EDIL3: variants seen among roughly 807,000 people sequenced by gnomAD.
EDIL3 encodes the protein EGF like and discoidin domains 3.
A neutral mutation model predicts 67.4 loss-of-function variants in EDIL3; 37 were observed. That is an observed-to-expected ratio of 0.55 (90% CI 0.42 to 0.72). The LOEUF is 0.72. Among genes scored for constraint, EDIL3 ranks in the 30% least tolerant of loss-of-function variants. The pLI is 0.00. For synonymous variants in EDIL3, 195 were observed against 196.3 expected (o/e 0.99, Z 0.05); for missense variants, 527 against 586.3 (o/e 0.90, Z 1.04).
At chr5:84,381,128 T>G (rs72766422) in intron 1 of EDIL3, among the ~76,000 whole-genome samples, 14,807 of 152,150 alleles carry the variant, frequency 0.097, 837 homozygotes, top group Non-Finnish European at 0.12. Flanking sequence ...TTTTCCTGAT[T>G]TTTAAAAATT....
At chr5:84,140,883 G>A (rs1026469709) in intron 4 of EDIL3, among the ~76,000 whole-genome samples, 10 of 152,032 alleles carry the variant, frequency 6.6e-5, no homozygotes, top group East Asian at 1.9e-4. Flanking sequence ...AAGCATTTAC[G>A]TATTTGTATA....
At chr5:84,162,626 G>A (rs1748633270) in intron 4 of EDIL3, among the ~76,000 whole-genome samples, 1 of 152,018 alleles carries the variant, frequency 6.6e-6, no homozygotes, top group African/African-American at 2.4e-5. Flanking sequence ...TCTGTGCCCT[G>A]GATCCCCTTG....
chr5:84,075,950 TA>T (rs1362154331), intron 6 of EDIL3, among the ~76,000 whole-genome samples: 15 of 57,864 alleles, frequency 2.6e-4, no homozygotes, highest in African/African-American at 1.2e-3. Context: ...GTGGGTTTTA[TA>T]TATATATATA....
Position 84,180,521 on chromosome 5 carries a change from C to A in EDIL3, c.227G>T (p.Gly76Val). 1 of 1,562,986 alleles carries A rather than the reference C, an allele frequency of 6.4e-7. No homozygotes were observed. The highest frequency in any genetic ancestry group is 8.6e-7 in the Non-Finnish European group (1 of 1,160,748). ...ASDEEEPTSAGPCTPNPCHNG... is the reference protein window; with the variant it reads ...ASDEEEPTSAVPCTPNPCHNG... ...ATGGCATGGATTAGGAGTGCAGGGA[C>A]CTGAAAGACAGAAAAAAATATTTCT... Residue 76 changes from glycine (G) to valine (V), a missense_variant and splice_region_variant, in exon 4 of 11, where the codon GGT (glycine) becomes GTT (valine). By Grantham distance (109) the Gly-to-Val change is moderately radical (BLOSUM62 -3). Around this residue, in one of 2 missense-constraint regions of EDIL3, gnomAD observed 494 missense variants for 522.5 expected, o/e 0.95. Coordinates refer to ENST00000296591, the MANE Select transcript of EDIL3 (RefSeq NM_005711.5).
chr5:84,254,107 T>C lies in EDIL3; in HGVS notation c.173A>G (p.Asn58Ser), dbSNP rs751649252. 9.9e-6 allele frequency: 16 copies of C among 1,610,982 alleles called. No individual in the cohort carries two copies. Among genetic ancestry groups the C allele is most frequent in the South Asian group, 2.2e-5 (2 of 90,258 alleles). Residue 58 changes from asparagine to serine, a missense_variant, in exon 2 of 11, where the codon AAC (asparagine) becomes AGC (serine). Asn to Ser is a conservative substitution (Grantham distance 46). Around this residue, in one of 2 missense-constraint regions of EDIL3, gnomAD observed 494 missense variants for 522.5 expected, o/e 0.95. Coordinates refer to ENST00000296591, the MANE Select transcript of EDIL3 (RefSeq NM_005711.5). ...CECPDGFTDP[N>S]CSSVVEVASD... ...ACCAACCTCCACAACACTAGAACAG[T>C]TGGGGTCTGTGAAGCCATCTGGACA...
At chr5:84,057,406 A>G (rs2892014) in intron 9 of EDIL3, among the ~76,000 whole-genome samples, 1 of 151,794 alleles carries the variant, frequency 6.6e-6, no homozygotes, top group African/African-American at 2.4e-5. Flanking sequence ...GGGGTGTAAA[A>G]TAGTTTGCCT....
At chr5:84,005,687 C>T (rs527487444) in intron 9 of EDIL3, among the ~76,000 whole-genome samples, 16 of 152,020 alleles carry the variant, frequency 1.1e-4, no homozygotes, top group East Asian at 9.7e-4. Flanking sequence ...ATAATAAGAA[C>T]GATAAATGAC....
chr5:84,216,282 AT>A (rs1198952976), intron 3 of EDIL3, among the ~76,000 whole-genome samples: 1 of 152,204 alleles, frequency 6.6e-6, no homozygotes, highest in Non-Finnish European at 1.5e-5. Context: ...TTCCGATTCT[AT>A]TCTTTTCCAC....
At chr5:84,292,026 T>C (rs1263983257) in intron 1 of EDIL3, among the ~76,000 whole-genome samples, 2 of 151,898 alleles carry the variant, frequency 1.3e-5, no homozygotes, top group Non-Finnish European at 2.9e-5. Context: ...TACTGCCCAA[T>C]ACAGTAGCAC....
intron 6 of EDIL3, 29 bp downstream of exon 6, chr5:84,106,620 C>T: frequency 1.3e-6 from 2 of 1,550,556 alleles, no homozygotes; most frequent in Non-Finnish European, 8.7e-7. Flanking sequence ...TGACTTATAA[C>T]ATTAACCTTG....
At chr5:84,243,226 A>G (rs1255484801) in intron 2 of EDIL3, among the ~76,000 whole-genome samples, 1 of 152,212 alleles carries the variant, frequency 6.6e-6, no homozygotes, top group Non-Finnish European at 1.5e-5. Context: ...AGTGTTTATC[A>G]CCTGATGTCC....
intron 9 of EDIL3, among the ~76,000 whole-genome samples, chr5:83,989,477 G>A (rs1264333075): frequency 6.6e-6 from 1 of 152,164 alleles, no homozygotes; most frequent in Non-Finnish European, 1.5e-5. Flanking sequence ...AATATGCATT[G>A]CTCCTTATCT....
intron 3 of EDIL3, among the ~76,000 whole-genome samples, chr5:84,205,467 A>G (rs1456181278): frequency 6.6e-6 from 1 of 152,232 alleles, no homozygotes; most frequent in Non-Finnish European, 1.5e-5. Context: ...GCAATAGCCA[A>G]AATATTTAAA....
intron 3 of EDIL3, among the ~76,000 whole-genome samples, chr5:84,225,811 T>A (rs1033296325): frequency 2.6e-5 from 4 of 151,618 alleles, no homozygotes; most frequent in African/African-American, 9.7e-5. Context: ...TAAAAATGTT[T>A]ACTAAATAGT....
At chr5:84,203,158 T>A (rs1156591741) in intron 3 of EDIL3, among the ~76,000 whole-genome samples, 2 of 152,148 alleles carry the variant, frequency 1.3e-5, no homozygotes, top group Admixed American at 6.6e-5. Flanking sequence ...ACTAGATTTA[T>A]CATCTTCAAA....
In EDIL3 at chr5:83,945,832, G is replaced by A. The variant is rs142246513; in HGVS notation, c.1294-2264C>T. Among the ~76,000 whole-genome samples the A allele has an allele frequency of 1.2e-3, 185 of 151,978 alleles. 1 individual carries two copies. Among genetic ancestry groups the A allele is most frequent in the African/African-American group, 4.3e-3 (177 of 41,496 alleles). ...CAATAACGTTCACAGAAAAACAGCC[G>A]AAATCTATACTAGAATCACAGAATT... On this transcript the variant is annotated intron_variant, in intron 10 of 10. Coordinates refer to ENST00000296591, the MANE Select transcript of EDIL3 (RefSeq NM_005711.5).
At chr5:84,083,387 T>G (rs915645900) in intron 6 of EDIL3, among the ~76,000 whole-genome samples, 1 of 152,120 alleles carries the variant, frequency 6.6e-6, no homozygotes, top group Non-Finnish European at 1.5e-5. Flanking sequence ...TCTTTCTAGG[T>G]GTTCATCAGT....
At chr5:84,102,929 A>C (rs1212430164) in intron 6 of EDIL3, among the ~76,000 whole-genome samples, 1 of 151,878 alleles carries the variant, frequency 6.6e-6, no homozygotes, top group African/African-American at 2.4e-5. Flanking sequence ...AAAACCCCCC[A>C]AAAGCTAGAA....
intron 10 of EDIL3, among the ~76,000 whole-genome samples, chr5:83,961,198 A>T (rs949315680): frequency 1.3e-5 from 2 of 151,098 alleles, no homozygotes; most frequent in Non-Finnish European, 3.0e-5. Context: ...GTTTATGTAC[A>T]TATCAACAGA....
Sources: gnomAD v4.1 joint callset for allele counts (sites outside exome capture counted in the v4.1 genomes callset) on GRCh38, gnomAD v4.1.1 for gene constraint, gnomAD v4.1.1 regional missense constraint, MANE v1.5 for transcripts, NCBI Gene and HGNC (gene_info 2026-07-23, HGNC 2026-07-21) for gene names.